LARGE1: variants seen among roughly 807,000 people sequenced by gnomAD.
LARGE1 encodes the protein LARGE xylosyl- and glucuronyltransferase 1, also known as xylosyl- and glucuronyltransferase LARGE1.
Under a neutral mutation model 87.6 loss-of-function variants are expected in LARGE1, and 43 were observed. The observed-to-expected ratio is 0.49, with a 90% CI of 0.38 to 0.63. LARGE1 has a LOEUF of 0.63. Among genes scored for constraint, LARGE1 ranks in the 30% least tolerant of loss-of-function variants. LARGE1 has a pLI of 0.00. For synonymous variants in LARGE1, 434 were observed against 394.6 expected (o/e 1.10, Z -1.18); for missense variants, 802 against 1,000.2 (o/e 0.80, Z 2.67).
intron 11 of LARGE1, among the ~76,000 whole-genome samples, chr22:33,258,852 G>A (rs1927458495): frequency 6.6e-6 from 1 of 151,104 alleles, no homozygotes; most frequent in Non-Finnish European, 1.5e-5. Context: ...CACCATGTAG[G>A]CCTTGATATA....
intron 1 of LARGE1, among the ~76,000 whole-genome samples, chr22:33,833,799 T>A (rs1362551707): frequency 1.3e-5 from 2 of 152,222 alleles, no homozygotes; most frequent in Non-Finnish European, 2.9e-5. Flanking sequence ...ACGATTCTCC[T>A]GCCTCAGCCT....
chr22:33,910,958 G>A (rs138176922), intron 1 of LARGE1, among the ~76,000 whole-genome samples: 31 of 152,332 alleles, frequency 2.0e-4, no homozygotes, highest in African/African-American at 7.2e-4. Context: ...GAACAGCTGC[G>A]AGTTGAGTCC....
chr22:33,627,217 A>C (rs1331356066), intron 3 of LARGE1, among the ~76,000 whole-genome samples: 2 of 152,062 alleles, frequency 1.3e-5, no homozygotes, highest in African/African-American at 4.8e-5. Flanking sequence ...CAACTTTTCT[A>C]TTTTCCTCCT....
chr22:33,159,733 C>T (rs186901139), downstream of LARGE1, among the ~76,000 whole-genome samples: 658 of 151,800 alleles, frequency 4.3e-3, 3 homozygotes, highest in Non-Finnish European at 7.3e-3. Flanking sequence ...TACAGGCACC[C>T]GCCACCACGC....
chr22:33,610,221 A>G (rs2079387160), intron 4 of LARGE1, among the ~76,000 whole-genome samples: 1 of 152,228 alleles, frequency 6.6e-6, no homozygotes, highest in Non-Finnish European at 1.5e-5. Flanking sequence ...GGTAACATAC[A>G]GGGGCTAAGA....
intron 2 of LARGE1, among the ~76,000 whole-genome samples, chr22:33,680,404 G>C (rs2081725540): frequency 6.7e-6 from 1 of 149,862 alleles, no homozygotes. Context: ...ACTACTGACA[G>C]AGAGCAGATC....
intron 6 of LARGE1, among the ~76,000 whole-genome samples, chr22:33,457,293 C>CTTTTTTT (rs759460321): frequency 2.4e-4 from 18 of 74,926 alleles, no homozygotes; most frequent in African/African-American, 5.0e-4. Context: ...ACGCCTGGCT[C>CTTTTTTT]TTTTTTTTTT....
At chr22:33,225,291 G>A (rs1248555588) in intron 11 of LARGE1, among the ~76,000 whole-genome samples, 4 of 152,158 alleles carry the variant, frequency 2.6e-5, no homozygotes, top group Admixed American at 6.5e-5. Context: ...CTGCCCTCTC[G>A]GCACTAGTTC....
intron 1 of LARGE1, among the ~76,000 whole-genome samples, chr22:33,892,314 C>T (rs2065026521): frequency 6.6e-6 from 1 of 151,990 alleles, no homozygotes; most frequent in South Asian, 2.1e-4. Flanking sequence ...GCTCTGCTCC[C>T]CTCTCCTACT....
chr22:33,878,425 G>A (rs1051552257), intron 1 of LARGE1, among the ~76,000 whole-genome samples: 47 of 151,746 alleles, frequency 3.1e-4, no homozygotes, highest in African/African-American at 9.0e-4. Context: ...CACCATACCC[G>A]GCCAGCTTAT....
At chr22:33,152,687 A>C in the LARGE1 span, among the ~76,000 whole-genome samples, 1 of 152,154 alleles carries the variant, frequency 6.6e-6, no homozygotes, top group African/African-American at 2.4e-5. Flanking sequence ...TAATCGCAGC[A>C]TAGAAAATTT....
At chr22:33,309,375 C>T (rs1935308282) in intron 11 of LARGE1, among the ~76,000 whole-genome samples, 1 of 152,148 alleles carries the variant, frequency 6.6e-6, no homozygotes, top group South Asian at 2.1e-4. Context: ...CCATGTTGGC[C>T]AGGCTGGTCT....
chr22:33,662,428 CAGTCAACTGGCTTTGAGACAAATCACCG>C (rs2081154114), intron 2 of LARGE1, among the ~76,000 whole-genome samples: 1 of 152,196 alleles, frequency 6.6e-6, no homozygotes, highest in Non-Finnish European at 1.5e-5. Context: ...ATCTCCTCTA[CAGTCAACTGGCTTTGAGACAAATCACCG>C]CCCTTCATCC....
intron 7 of LARGE1, among the ~76,000 whole-genome samples, chr22:33,419,976 G>T (rs1419017527): frequency 1.3e-5 from 2 of 152,096 alleles, no homozygotes; most frequent in Non-Finnish European, 2.9e-5. Context: ...TTATAGGCAT[G>T]AGCCACTGCA....
At chr22:33,841,775 C>T (rs1601749097) in intron 1 of LARGE1, among the ~76,000 whole-genome samples, 1 of 152,118 alleles carries the variant, frequency 6.6e-6, no homozygotes, top group African/African-American at 2.4e-5. Context: ...GAAAACTAAG[C>T]AGGGTGAATA....
rs527516247 is a variant in LARGE1, at chr22:33,664,711, G to C, written c.107-14043C>G. Among the ~76,000 whole-genome samples the C allele has an allele frequency of 3.3e-5, 5 of 152,198 alleles. No individual in the cohort carries two copies. In the East Asian group the frequency reaches 9.7e-4, roughly 29 times the overall value. On this transcript the variant is annotated intron_variant, in intron 2 of 14. Coordinates refer to ENST00000397394, the MANE Select transcript of LARGE1 (RefSeq NM_133642.5). The stretch of plus-strand genomic sequence containing the variant: ...GAAACCCCGTCTCTACTAAAATACA[G>C]AAATTAGCTAGGTATGGTGGCACAT...
intron 11 of LARGE1, among the ~76,000 whole-genome samples, chr22:33,171,548 G>A (rs1922572708): frequency 6.6e-6 from 1 of 152,198 alleles, no homozygotes; most frequent in South Asian, 2.1e-4. Context: ...TCCAGACTTG[G>A]TGCCCTGCAT....
chr22:33,658,974 G>A (rs1246110319), intron 2 of LARGE1, among the ~76,000 whole-genome samples: 3 of 152,138 alleles, frequency 2.0e-5, no homozygotes, highest in Non-Finnish European at 2.9e-5. Context: ...AGCCTCTACT[G>A]TATTCTCTCA....
chr22:33,228,791 T>C (rs1925860480), intron 11 of LARGE1, among the ~76,000 whole-genome samples: 1 of 152,098 alleles, frequency 6.6e-6, no homozygotes, highest in Non-Finnish European at 1.5e-5. Context: ...AATCAGTGGC[T>C]GGGAATTTTA....
Sources: allele counts gnomAD v4.1 joint callset (sites outside exome capture counted in the v4.1 genomes callset), GRCh38; gene constraint gnomAD v4.1.1; transcripts MANE v1.5; gene names NCBI Gene and HGNC (gene_info 2026-07-23, HGNC 2026-07-21).